Variants in PHLPP2 observed in about 807,000 individuals in gnomAD.
PHLPP2 encodes the protein PH domain and leucine rich repeat protein phosphatase 2, also known as PH domain leucine-rich repeat-containing protein phosphatase 2.
In PHLPP2, 66 loss-of-function variants were observed where a neutral mutation model predicts 124.9. That is an observed-to-expected ratio of 0.53 (90% CI 0.43 to 0.65). PHLPP2 has a LOEUF of 0.65. Ranked by LOEUF, PHLPP2 falls within the 30% of genes least tolerant of loss-of-function variation. PHLPP2 has a pLI of 0.00. For synonymous variants in PHLPP2, 681 were observed against 624.7 expected, an observed-to-expected ratio of 1.09 and a Z score of -1.34; for missense variants, 1,685 against 1,600.4, an observed-to-expected ratio of 1.05 and a Z score of -0.90.
chr16:71,687,225 C>G (rs2045062822), intron 4 of PHLPP2, among the ~76,000 whole-genome samples: 1 of 151,754 alleles, frequency 6.6e-6, no homozygotes, highest in Admixed American at 6.6e-5. Flanking sequence ...GGTGACAGGT[C>G]TCTTCAAATC....
chr16:71,696,717 G>A (rs1196203368), intron 3 of PHLPP2, among the ~76,000 whole-genome samples: 3 of 151,076 alleles, frequency 2.0e-5, no homozygotes, highest in Non-Finnish European at 4.4e-5. Context: ...TCACTCCCTT[G>A]ACTTTTATAA....
At position 71,649,843 on chromosome 16, in the gene PHLPP2, A is replaced by T. The variant is rs2044683478; in HGVS notation, c.3019T>A (p.Leu1007Ile). 1 of 1,614,178 alleles carries T rather than the reference A, an allele frequency of 6.2e-7. No individual in the cohort carries two copies. Among genetic ancestry groups the T allele is most frequent in the African/African-American group, 1.3e-5 (1 of 75,054 alleles). Residue 1007 changes from leucine to isoleucine, a missense_variant, in exon 19 of 19, where the codon TTA becomes ATA. Transcript: ENST00000568954. ...GTGCACAGCTTCTTAGCAGCTGCTA[A>T]TGGGTCTTGTACGTGACGTACAGCA... ...VNAVRHVQDP[L>I]AAAKKLCTLA...
intron 4 of PHLPP2, among the ~76,000 whole-genome samples, chr16:71,688,074 T>C (rs552581197): frequency 6.6e-6 from 1 of 152,332 alleles, no homozygotes; most frequent in African/African-American, 2.4e-5. Flanking sequence ...CTCATAGTCA[T>C]CGTATGACTG....
At chr16:71,681,999 AT>A in intron 5 of PHLPP2, 94 bp from the exon 6 acceptor site, 1 of 789,242 alleles carries the variant, frequency 1.3e-6, no homozygotes, top group Non-Finnish European at 1.7e-6. Context: ...AAAGACGCTA[AT>A]TAAAAAGATA....
At chr16:71,701,265 C>CATCT (rs61251526) in intron 3 of PHLPP2, among the ~76,000 whole-genome samples, 1,541 of 149,974 alleles carry the variant, frequency 0.01, 13 homozygotes, top group Non-Finnish European at 0.014. Flanking sequence ...ATAACTAATT[C>CATCT]ATCTATCTAT....
chr16:71,718,267 A>G (rs2045376235), intron 1 of PHLPP2, among the ~76,000 whole-genome samples: 1 of 152,178 alleles, frequency 6.6e-6, no homozygotes, highest in Admixed American at 6.6e-5. Flanking sequence ...TAAATTCCTT[A>G]AGGAACTTTA....
Position 71,656,554 on chromosome 16 carries a change from A to G in PHLPP2, c.2390+17T>C. 1 of 1,466,810 alleles carries G rather than the reference A, an allele frequency of 6.8e-7. No homozygotes were observed. The highest frequency in any genetic ancestry group is 1.7e-4 in the Middle Eastern group (1 of 5,796). The allele number at this position is 1,466,810 out of a possible 1,614,324, so 90.9% of individuals were successfully genotyped here. A position where few individuals can be genotyped will look rare whatever the true frequency, so the allele number is the denominator to read the frequency against. ...CTGCCTTTTTTCTTTCTCAGTCTCC[A>G]TGGCCAATATACTCACTTATTTCTC... On this transcript the variant is annotated intron_variant, in intron 16 of 18. Coordinates refer to ENST00000568954, the MANE Select transcript of PHLPP2 (RefSeq NM_015020.3).
intron 3 of PHLPP2, among the ~76,000 whole-genome samples, chr16:71,700,272 G>A (rs1254425127): frequency 6.6e-6 from 1 of 151,984 alleles, no homozygotes; most frequent in Non-Finnish European, 1.5e-5. Context: ...AGGTGCAGTG[G>A]TGCGCACGTG....
In PHLPP2 at chr16:71,693,629, A is replaced by T. The variant is rs144199738; in HGVS notation, c.419-2920T>A. Among the ~76,000 whole-genome samples, 117 of 152,312 alleles carry T rather than the reference A, an allele frequency of 7.7e-4. 1 individual carries two copies. The highest frequency in any genetic ancestry group is 2.7e-3 in the African/African-American group (114 of 41,578). ...ACTTCCTGCTACCATCTGCCAAATG[A>T]CGGCTAAACTCCTGATGGAGCACCC... On this transcript the variant is annotated intron_variant, in intron 3 of 18. Transcript: ENST00000568954.
At chr16:71,673,081 T>C (rs1208432280) in intron 9 of PHLPP2, among the ~76,000 whole-genome samples, 1 of 152,144 alleles carries the variant, frequency 6.6e-6, no homozygotes, top group East Asian at 1.9e-4. Flanking sequence ...TATGTGAATA[T>C]ACCACAATTT....
chr16:71,720,991 C>G (rs2145391381), intron 1 of PHLPP2, among the ~76,000 whole-genome samples: 1 of 151,530 alleles, frequency 6.6e-6, no homozygotes. Flanking sequence ...ATTGTGAAAG[C>G]GGTGGGGAGG....
intron 17 of PHLPP2, among the ~76,000 whole-genome samples, chr16:71,654,431 T>A (rs965041975): frequency 6.6e-6 from 1 of 152,198 alleles, no homozygotes; most frequent in Admixed American, 6.5e-5. Context: ...CTGTATGCAT[T>A]TAGTAGAAAC....
At position 71,652,772 on chromosome 16, in the gene PHLPP2, G is replaced by C. The variant is rs763349723; in HGVS notation, c.2817+18C>G. The C allele has an allele frequency of 1.9e-6, 3 of 1,569,286 alleles. No individual in the cohort carries two copies. The highest frequency in any genetic ancestry group is 2.6e-6 in the Non-Finnish European group (3 of 1,139,768). ...CTGATTTGGGGAGCAGAAGTGACTGGCGGGGAGCGGAACACACCTCTGTGA... is the reference window on the plus strand; with the variant it reads ...CTGATTTGGGGAGCAGAAGTGACTGCCGGGGAGCGGAACACACCTCTGTGA... On this transcript the variant is annotated intron_variant, in intron 18 of 18. Transcript: ENST00000568954.
intron 18 of PHLPP2, 103 bp downstream of exon 18, chr16:71,652,687 T>C: frequency 1.3e-6 from 1 of 789,370 alleles, no homozygotes; most frequent in Non-Finnish European, 2.1e-6. Flanking sequence ...TTGGATACAA[T>C]TTACAGGGCA....
chr16:71,709,181 A>G (rs546707049), intron 2 of PHLPP2, among the ~76,000 whole-genome samples: 24 of 152,274 alleles, frequency 1.6e-4, no homozygotes, highest in African/African-American at 5.3e-4. Flanking sequence ...GTAGGAAAAA[A>G]AACTCCCTTT....
Position 71,649,573 on chromosome 16 carries a change from C to T in PHLPP2, c.3289G>A (p.Ala1097Thr), listed in dbSNP as rs182656583. The change falls in exon 19 of 19, where the codon GCT becomes ACT. Residue 1097 changes from alanine (A) to threonine (T), a missense_variant. By Grantham distance (58) the Ala-to-Thr change is moderately conservative. Coordinates refer to ENST00000568954, the MANE Select transcript of PHLPP2 (RefSeq NM_015020.3). ...SEVSSEVGST[A>T]SDEHNAGGLD... ...CCCCCAGCATTATGCTCATCAGAAGCAGTGGACCCCACTTCACTGCTCACC... is the reference window on the plus strand; with the variant it reads ...CCCCCAGCATTATGCTCATCAGAAGTAGTGGACCCCACTTCACTGCTCACC... 127 of 1,614,200 alleles carry T rather than the reference C, an allele frequency of 7.9e-5. No homozygotes were observed. Among genetic ancestry groups the T allele is most frequent in the Non-Finnish European group, 2.5e-6 (3 of 1,180,046 alleles).
intron 12 of PHLPP2, 171 bp from the exon 13 acceptor site, chr16:71,664,270 TTC>T (rs1567615034): frequency 3.3e-6 from 2 of 607,402 alleles, no homozygotes; most frequent in African/African-American, 1.9e-5. Context: ...CAACCCAAAG[TTC>T]CTTTTACTCA....
intron 11 of PHLPP2, among the ~76,000 whole-genome samples, chr16:71,668,223 A>AC (rs2044856236): frequency 6.6e-6 from 1 of 151,462 alleles, no homozygotes; most frequent in Non-Finnish European, 1.5e-5. Context: ...CATCCTGGCT[A>AC]ACACGGTGAA....
At chr16:71,682,010 A>AT in intron 5 of PHLPP2, 105 bp from the exon 6 acceptor site, 1 of 632,740 alleles carries the variant, frequency 1.6e-6, no homozygotes. Flanking sequence ...TTAAAAAGAT[A>AT]GGAAAAAAAA....
Sources: gnomAD v4.1 joint callset for allele counts (sites outside exome capture counted in the v4.1 genomes callset) on GRCh38, gnomAD v4.1.1 for gene constraint, MANE v1.5 for transcripts, NCBI Gene and HGNC (gene_info 2026-07-23, HGNC 2026-07-21) for gene names.